The following CSMD1 variants were observed in gnomAD, a reference collection of about 807,000 sequenced individuals.
The protein encoded by CSMD1 is CUB and sushi domain-containing protein 1.
In CSMD1, 213 loss-of-function variants were observed where a neutral mutation model predicts 417.5. The ratio of observed to expected loss-of-function variants is 0.51; its 90% confidence interval spans 0.46 to 0.57. CSMD1 has a LOEUF of 0.57. CSMD1 is among the 20% of genes least tolerant of loss of function. CSMD1 has a pLI of 0.00. For synonymous variants in CSMD1, 2,862 were observed against 1,736.8 expected (o/e 1.65, Z -16.11); for missense variants, 6,923 against 4,529.7 (o/e 1.53, Z -15.17).
chr8:3,391,846 T>A (rs1208810693), intron 17 of CSMD1, among the ~76,000 whole-genome samples: 1 of 152,130 alleles, frequency 6.6e-6, no homozygotes, highest in Non-Finnish European at 1.5e-5. Context: ...TCATTAATAA[T>A]TTCAGAAAGC....
chr8:3,870,025 A>C (rs189841705), intron 5 of CSMD1, among the ~76,000 whole-genome samples: 1,546 of 152,324 alleles, frequency 0.01, 11 homozygotes, highest in Non-Finnish European at 0.014. Flanking sequence ...ACATTAAACA[A>C]AAAGTAGGCG....
chr8:3,480,952 C>T (rs567222210), intron 11 of CSMD1, among the ~76,000 whole-genome samples: 11 of 151,786 alleles, frequency 7.2e-5, no homozygotes, highest in South Asian at 2.1e-4. Flanking sequence ...GTCAGGAGAT[C>T]GAGACTATCC....
At chr8:3,353,847 T>A (rs902613744) in intron 21 of CSMD1, among the ~76,000 whole-genome samples, 2 of 152,218 alleles carry the variant, frequency 1.3e-5, no homozygotes, top group African/African-American at 4.8e-5. Flanking sequence ...ACTTAGATTT[T>A]TGCAATTGAA....
chr8:2,957,296 T>C (rs1007825066), intron 63 of CSMD1, among the ~76,000 whole-genome samples: 2 of 152,214 alleles, frequency 1.3e-5, no homozygotes, highest in African/African-American at 4.8e-5. Flanking sequence ...GTAAATATCC[T>C]AGGAGAATAA....
At chr8:4,212,751 C>CTTTTTTTTGTTT (rs1800396257) in intron 3 of CSMD1, among the ~76,000 whole-genome samples, 1 of 99,268 alleles carries the variant, frequency 1.0e-5, no homozygotes, top group African/African-American at 4.3e-5. Flanking sequence ...CGGCCTTATT[C>CTTTTTTTTGTTT]TTTTTTTTTT....
intron 5 of CSMD1, among the ~76,000 whole-genome samples, chr8:3,969,825 T>G (rs1353098831): frequency 1.3e-5 from 2 of 152,150 alleles, no homozygotes; most frequent in Non-Finnish European, 2.9e-5. Context: ...GGGGAGATTT[T>G]TAAATGAAGT....
chr8:3,382,409 A>C (rs188489845), intron 18 of CSMD1, among the ~76,000 whole-genome samples: 2 of 143,234 alleles, frequency 1.4e-5, no homozygotes, highest in African/African-American at 5.1e-5. Flanking sequence ...TTATTATATA[A>C]TATATAACAC....
chr8:3,771,868 T>G (rs1307339972), intron 5 of CSMD1, among the ~76,000 whole-genome samples: 2 of 151,992 alleles, frequency 1.3e-5, no homozygotes, highest in African/African-American at 4.8e-5. Context: ...TGCCCACTTT[T>G]GAATCTGCCA....
chr8:3,475,771 A>G (rs1472582679), intron 11 of CSMD1, among the ~76,000 whole-genome samples: 1 of 152,232 alleles, frequency 6.6e-6, no homozygotes, highest in Non-Finnish European at 1.5e-5. Flanking sequence ...TTAACCCAAA[A>G]TGAAGGAAAT....
At chr8:4,052,944 C>G (rs918452046) in intron 3 of CSMD1, among the ~76,000 whole-genome samples, 2 of 152,130 alleles carry the variant, frequency 1.3e-5, no homozygotes, top group African/African-American at 2.4e-5. Flanking sequence ...TAATGAGGGT[C>G]TGAGAGGTAT....
chr8:3,638,328 G>C (rs114200607), intron 7 of CSMD1, among the ~76,000 whole-genome samples: 6 of 151,938 alleles, frequency 3.9e-5, no homozygotes, highest in African/African-American at 1.5e-4. Flanking sequence ...TTTCCAAATT[G>C]TCTAAAACCC....
chr8:4,057,353 G>T (rs890206662), intron 3 of CSMD1, among the ~76,000 whole-genome samples: 1 of 151,948 alleles, frequency 6.6e-6, no homozygotes, highest in Non-Finnish European at 1.5e-5. Flanking sequence ...GTCTGTTCAT[G>T]TCCTTCGCCT....
intron 5 of CSMD1, among the ~76,000 whole-genome samples, chr8:3,978,063 A>G (rs1274394620): frequency 6.6e-6 from 1 of 152,184 alleles, no homozygotes; most frequent in African/African-American, 2.4e-5. Flanking sequence ...AGCACGTTGT[A>G]CTGGAGCAAC....
At chr8:4,688,935 C>G (rs1047347213) in intron 1 of CSMD1, among the ~76,000 whole-genome samples, 1 of 152,180 alleles carries the variant, frequency 6.6e-6, no homozygotes, top group African/African-American at 2.4e-5. Flanking sequence ...AAAGCATTCA[C>G]TTTCTTATTT....
chr8:3,791,230 T>C (rs1239419785), intron 5 of CSMD1, among the ~76,000 whole-genome samples: 1 of 152,212 alleles, frequency 6.6e-6, no homozygotes, highest in Non-Finnish European at 1.5e-5. Flanking sequence ...ACCACCAAAA[T>C]GCTTTTAGAG....
chr8:4,941,760 G>A (rs373042126), intron 1 of CSMD1, among the ~76,000 whole-genome samples: 2 of 151,976 alleles, frequency 1.3e-5, no homozygotes, highest in African/African-American at 4.8e-5. Context: ...CATTATGCCC[G>A]ACTGATTTTC....
intron 2 of CSMD1, among the ~76,000 whole-genome samples, chr8:4,463,072 T>G (rs1008408628): frequency 6.6e-6 from 1 of 152,094 alleles, no homozygotes; most frequent in Non-Finnish European, 1.5e-5. Context: ...CTGGAATACA[T>G]AAAGATCTCT....
At chr8:4,217,109 T>C (rs971410776) in intron 3 of CSMD1, among the ~76,000 whole-genome samples, 1 of 152,220 alleles carries the variant, frequency 6.6e-6, no homozygotes, top group African/African-American at 2.4e-5. Context: ...ACATTTTAGT[T>C]GGTGTAGTGC....
At chr8:4,233,615 C>G (rs918221895) in intron 3 of CSMD1, among the ~76,000 whole-genome samples, 3 of 152,236 alleles carry the variant, frequency 2.0e-5, no homozygotes, top group African/African-American at 7.2e-5. Context: ...ACCAGGACAC[C>G]TTGATCTTGG....
Sources: gnomAD v4.1 joint callset for allele counts (sites outside exome capture counted in the v4.1 genomes callset) on GRCh38, gnomAD v4.1.1 for gene constraint, MANE v1.5 for transcripts, NCBI Gene and HGNC (gene_info 2026-07-23, HGNC 2026-07-21) for gene names.